IL17RA: variants seen among roughly 807,000 people sequenced by gnomAD.
IL17RA encodes interleukin-17 receptor A.
A neutral mutation model predicts 50.4 loss-of-function variants in IL17RA; 34 were observed. The ratio of observed to expected loss-of-function variants is 0.67; its 90% confidence interval spans 0.51 to 0.90. The LOEUF is 0.90. Ranked by LOEUF, IL17RA falls within the 40% of genes least tolerant of loss-of-function variation. The probability of loss-of-function intolerance (pLI) is 0.00; values close to 1 mark genes in which losing one functional copy is unlikely to be tolerated. For missense variants in IL17RA, 1,276 were observed against 1,169.8 expected, an observed-to-expected ratio of 1.09 and a Z score of -1.32; for synonymous variants, 585 against 510.4, an observed-to-expected ratio of 1.15 and a Z score of -1.97.
intron 1 of IL17RA, among the ~76,000 whole-genome samples, chr22:17,094,667 C>CTA (rs2061359995): frequency 4.0e-5 from 1 of 25,106 alleles, no homozygotes; most frequent in African/African-American, 1.7e-4. Flanking sequence ...CTCTCTCTCT[C>CTA]TCTCTCTCTC....
At position 17,111,764 on chromosome 22, in the gene IL17RA, A is replaced by T. The variant is rs983664793; in HGVS notation, c.*1944A>T. The T allele has an allele frequency of 1.3e-5, 2 of 152,182 alleles. No individual in the cohort carries two copies. The highest frequency in any genetic ancestry group is 4.8e-5 in the African/African-American group (2 of 41,444). 9.4% of individuals were successfully genotyped at this position (152,182 alleles called of 1,614,324 possible). ...CACACATACATGTGCGTGAAAGATT[A>T]TCAATAAAAGTGCATAAATTTGTTG... On this transcript the variant is annotated 3_prime_UTR_variant, in exon 13 of 13. Coordinates refer to ENST00000319363, the MANE Select transcript of IL17RA (RefSeq NM_014339.7).
chr22:17,103,073 C>T (rs1284979185), intron 7 of IL17RA, among the ~76,000 whole-genome samples: 1 of 152,112 alleles, frequency 6.6e-6, no homozygotes, highest in Non-Finnish European at 1.5e-5. Flanking sequence ...ACCTGGGAGG[C>T]AGAGGTTGTA....
At chr22:17,098,108 T>C (rs1368626913) in intron 3 of IL17RA, among the ~76,000 whole-genome samples, 165 bp downstream of exon 3, 1 of 152,194 alleles carries the variant, frequency 6.6e-6, no homozygotes, top group Non-Finnish European at 1.5e-5. Context: ...TGTTCAGCAT[T>C]TTAGATATTA....
rs2061429033 is a variant in IL17RA at position 17,109,258 on chromosome 22, C to T, written c.2039C>T (p.Ala680Val). 4.0e-6 allele frequency: 6 copies of T among 1,496,760 alleles called. No individual in the cohort carries two copies. In the South Asian group the frequency reaches 5.2e-5, roughly 13 times the overall value. The allele number at this position is 1,496,760 out of a possible 1,614,324, so 92.7% of individuals were successfully genotyped here. Reference sequence around the variant, plus strand: ...GCAGAGGAGGGGGCCCTGGTGGCCGCGGTGGAGCCTGGGCCCCTGGCTGAC... The same window carrying T: ...GCAGAGGAGGGGGCCCTGGTGGCCGTGGTGGAGCCTGGGCCCCTGGCTGAC... ...LAAEEGALVA[A>V]VEPGPLADGA... is the part of the protein sequence containing the mutation. Residue 680 changes from alanine to valine, a missense_variant, in exon 13 of 13, where the codon GCG becomes GTG. Ala to Val is a moderately conservative substitution (Grantham distance 64). Transcript: ENST00000319363.
In IL17RA at chr22:17,102,219, T is replaced by G. The variant is rs371494126; in HGVS notation, c.679T>G (p.Ser227Ala). The part of the protein sequence containing the change: ...LRVSFTLWNE[S>A]THYQILLTSF... ...TGTGAGCTTCACCCTGTGGAACGAATCTACCCATTACCAGATCCTGCTGAC... is the reference window on the plus strand; with the variant it reads ...TGTGAGCTTCACCCTGTGGAACGAAGCTACCCATTACCAGATCCTGCTGAC... The change falls in exon 7 of 13, where the codon TCT becomes GCT. Residue 227 changes from serine (S) to alanine (A), a missense_variant. Transcript: ENST00000319363. 5 of 1,614,168 alleles carry G rather than the reference T, an allele frequency of 3.1e-6. No homozygotes were observed. The East Asian group carries it at 8.9e-5, about 29-fold the overall frequency.
intron 8 of IL17RA, among the ~76,000 whole-genome samples, chr22:17,104,407 A>C (rs1322937790): frequency 7.9e-5 from 8 of 101,816 alleles, no homozygotes; most frequent in East Asian, 6.4e-4. Flanking sequence ...TGTGGTGTGG[A>C]CGGGAGTGGG....
In IL17RA at chr22:17,109,756, G is replaced by A. The variant is rs751787674; in HGVS notation, c.2537G>A (p.Arg846His). ...LRSLQRQLLFRQLQKNSGWDT... is the reference protein window; with the variant it reads ...LRSLQRQLLFHQLQKNSGWDT... Reference sequence around the variant, plus strand: ...AGCCTCCAGCGGCAGCTGCTTTTCCGCCAGCTGCAGAAGAACTCGGGCTGG... The same window carrying A: ...AGCCTCCAGCGGCAGCTGCTTTTCCACCAGCTGCAGAAGAACTCGGGCTGG... Residue 846 changes from arginine to histidine, a missense_variant, in exon 13 of 13, where the codon CGC (arginine) becomes CAC (histidine). By Grantham distance (29) the Arg-to-His change is conservative. Coordinates refer to ENST00000319363, the MANE Select transcript of IL17RA (RefSeq NM_014339.7). 22 of 1,556,484 alleles carry A rather than the reference G, an allele frequency of 1.4e-5. No homozygotes were observed. Among genetic ancestry groups the A allele is most frequent in the Admixed American group, 9.7e-5 (5 of 51,386 alleles).
At chr22:17,098,750 G>T in intron 3 of IL17RA, 25 bp from the exon 4 acceptor site, 1 of 1,591,952 alleles carries the variant, frequency 6.3e-7, no homozygotes, top group Non-Finnish European at 8.6e-7. Flanking sequence ...GCATCTGTTT[G>T]TCTTCTCTTC....
chr22:17,101,752 G>C (rs1214787153), intron 5 of IL17RA, among the ~76,000 whole-genome samples: 1 of 152,184 alleles, frequency 6.6e-6, no homozygotes, highest in African/African-American at 2.4e-5. Flanking sequence ...AAGATTGCTT[G>C]GTCACCCACA....
intron 4 of IL17RA, among the ~76,000 whole-genome samples, 193 bp from the exon 5 acceptor site, chr22:17,100,159 AAAC>A (rs1728463429): frequency 1.3e-5 from 2 of 151,268 alleles, no homozygotes; most frequent in Admixed American, 6.6e-5. Context: ...AAAAAAAAAA[AAAC>A]AGGCAGAAAG....
In IL17RA at chr22:17,114,729, G is replaced by A. The variant is rs186763605; in HGVS notation, c.*4909G>A. 1 of 152,224 alleles carries A rather than the reference G, an allele frequency of 6.6e-6. No homozygotes were observed. The highest frequency in any genetic ancestry group is 1.5e-5 in the Non-Finnish European group (1 of 68,054). The allele number at this position is 152,224 out of a possible 1,614,324, so 9.4% of individuals were successfully genotyped here. On this transcript the variant is annotated 3_prime_UTR_variant, in exon 13 of 13. Transcript: ENST00000319363. ...GAAAACAGCCCCTGCTTTTTTGCTA[G>A]AATGGCTGAGCTTTCATGGAAAGGA...
chr22:17,110,528 G>A lies in IL17RA; in HGVS notation c.*708G>A, dbSNP rs1039749611. 1 of 153,024 alleles carries A rather than the reference G, an allele frequency of 6.5e-6. No homozygotes were observed. Among genetic ancestry groups the A allele is most frequent in the Non-Finnish European group, 1.5e-5 (1 of 68,962 alleles). The allele number at this position is 153,024 out of a possible 1,614,324, so 9.5% of individuals were successfully genotyped here. A position where few individuals can be genotyped will look rare whatever the true frequency, so the allele number is the denominator to read the frequency against. On this transcript the variant is annotated 3_prime_UTR_variant, in exon 13 of 13. Transcript: ENST00000319363. The stretch of plus-strand genomic sequence containing the variant: ...AAAAAAAAAAAAAAGATGGTCACGC[G>A]GGATGTAAACGCTGAATGGGCCAGG...
chr22:17,098,359 G>A (rs898548335), intron 3 of IL17RA, among the ~76,000 whole-genome samples: 1 of 152,176 alleles, frequency 6.6e-6, no homozygotes, highest in Non-Finnish European at 1.5e-5. Context: ...GAATTGGGAC[G>A]ATTGGGGCTT....
In IL17RA at chr22:17,109,063, C is replaced by T. The variant is rs779695692; in HGVS notation, c.1844C>T (p.Thr615Ile). 1 of 1,586,860 alleles carries T rather than the reference C, an allele frequency of 6.3e-7. No individual in the cohort carries two copies. The highest frequency in any genetic ancestry group is 8.5e-7 in the Non-Finnish European group (1 of 1,174,612). ...VFEEPLLPPGTGIVKRAPLVR... is the reference protein window; with the variant it reads ...VFEEPLLPPGIGIVKRAPLVR... ...GAGGAGCCACTGCTGCCTCCGGGAACCGGCATCGTGAAGCGGGCGCCCCTG... is the reference window on the plus strand; with the variant it reads ...GAGGAGCCACTGCTGCCTCCGGGAATCGGCATCGTGAAGCGGGCGCCCCTG... Residue 615 changes from threonine (T) to isoleucine (I), a missense_variant, in exon 13 of 13, where the codon ACC becomes ATC. Thr to Ile is a moderately conservative substitution (Grantham distance 89, BLOSUM62 -1). Transcript: ENST00000319363.
At chr22:17,097,433 A>G (rs1250160776) in intron 2 of IL17RA, 4 of 511,058 alleles carry the variant, frequency 7.8e-6, no homozygotes, top group East Asian at 7.1e-5. Flanking sequence ...TTTTAATTCA[A>G]AGAGGCACAT....
At position 17,104,783 on chromosome 22, in the gene IL17RA, T is replaced by C. The variant is rs768923702; in HGVS notation, c.904T>C (p.Ser302Pro). Residue 302 changes from serine (S) to proline (P), a missense_variant, in exon 9 of 13, where the codon TCC becomes CCC. Ser to Pro is a moderately conservative substitution (Grantham distance 74, BLOSUM62 -1). Transcript: ENST00000319363. ...CTGCCTCAGACACTCCGCGACTGTTTCCTGCCCAGAAATGCCAGACACTCC... is the reference window on the plus strand; with the variant it reads ...CTGCCTCAGACACTCCGCGACTGTTCCCTGCCCAGAAATGCCAGACACTCC... ...NDCLRHSATV[S>P]CPEMPDTPEP... 3.1e-6 allele frequency: 5 copies of C among 1,614,106 alleles called. No individual in the cohort carries two copies. The South Asian group carries it at 5.5e-5, about 18-fold the overall frequency.
chr22:17,088,243 A>G (rs939848200), intron 1 of IL17RA, among the ~76,000 whole-genome samples: 17 of 152,228 alleles, frequency 1.1e-4, no homozygotes, highest in Admixed American at 2.0e-4. Flanking sequence ...ATTGAATACA[A>G]TCTTCCATTT....
rs533954678 is a variant in IL17RA at position 17,101,122 on chromosome 22, T to C, written c.550+641T>C. ...AGGCTATAGTGCAATTTTGCTATCC[T>C]AGCTCAATGCAGCCTCGAACTCCTG... On this transcript the variant is annotated intron_variant, in intron 5 of 12. Coordinates refer to ENST00000319363, the MANE Select transcript of IL17RA (RefSeq NM_014339.7). Among the ~76,000 whole-genome samples, 10 of 152,330 alleles carry C rather than the reference T, an allele frequency of 6.6e-5. No individual in the cohort carries two copies. The South Asian group carries it at 1.9e-3, about 28-fold the overall frequency.
rs1392873511 is a variant in IL17RA at position 17,101,977 on chromosome 22, C to A, written c.551-19C>A. The A allele has an allele frequency of 1.2e-6, 2 of 1,614,182 alleles. No homozygotes were observed. The highest frequency in any genetic ancestry group is 1.7e-6 in the Non-Finnish European group (2 of 1,180,016). ...TGAAGGCAGAGGCTTAATGAGTTTCCTTTTTTCTGGGTCGACAGACTGTGA... is the reference window on the plus strand; with the variant it reads ...TGAAGGCAGAGGCTTAATGAGTTTCATTTTTTCTGGGTCGACAGACTGTGA... On this transcript the variant is annotated intron_variant, in intron 5 of 12. Transcript: ENST00000319363.
Sources: gnomAD v4.1 joint callset for allele counts (sites outside exome capture counted in the v4.1 genomes callset) on GRCh38, gnomAD v4.1.1 for gene constraint, MANE v1.5 for transcripts, NCBI Gene and HGNC (gene_info 2026-07-23, HGNC 2026-07-21) for gene names.